Variants in CCSER1 observed in about 807,000 individuals in gnomAD.
The protein encoded by CCSER1 is coiled-coil serine rich protein 1.
CCSER1 carries 41 observed loss-of-function variants against 82.0 expected under a neutral mutation model. The observed-to-expected ratio is 0.50, with a 90% CI of 0.39 to 0.65. The LOEUF is 0.65. Ranked by LOEUF, CCSER1 falls within the 30% of genes least tolerant of loss-of-function variation. The probability of loss-of-function intolerance (pLI) is 0.00; values close to 1 mark genes in which losing one functional copy is unlikely to be tolerated. For synonymous variants in CCSER1, 414 were observed against 383.9 expected (o/e 1.08, Z -0.92); for missense variants, 1,119 against 1,064.2 (o/e 1.05, Z -0.72).
intron 10 of CCSER1, among the ~76,000 whole-genome samples, chr4:91,334,139 T>G (rs1747152726): frequency 6.6e-6 from 1 of 152,132 alleles, no homozygotes; most frequent in South Asian, 2.1e-4. Flanking sequence ...GTATTGTTAT[T>G]CCATGAGATT....
Position 90,948,017 on chromosome 4 carries a change from C to T in CCSER1, c.2172+24570C>T, listed in dbSNP as rs573447858. On this transcript the variant is annotated intron_variant, in intron 9 of 10. Transcript: ENST00000509176. Reference sequence around the variant, plus strand: ...TTTAATTCCCACATTACCCAATTTACATTTGTACTTAATTAGAAAATTGTC... The same window carrying T: ...TTTAATTCCCACATTACCCAATTTATATTTGTACTTAATTAGAAAATTGTC... Among the ~76,000 whole-genome samples the T allele has an allele frequency of 2.0e-5, 3 of 152,174 alleles. No homozygotes were observed. In the South Asian group the frequency reaches 6.2e-4, roughly 32 times the overall value.
rs1733372465 is a variant in CCSER1, at chr4:90,955,793, G to A, written c.2172+32346G>A. On this transcript the variant is annotated intron_variant, in intron 9 of 10. Coordinates refer to ENST00000509176, the MANE Select transcript of CCSER1 (RefSeq NM_001145065.2). ...TTTGTACTAGCTGTTTCCTCCCTCT[G>A]AAAGGCTTCTCCGTCTTACCACCAT... is the stretch of plus-strand genomic sequence containing the variant. Among the ~76,000 whole-genome samples, 3 of 151,990 alleles carry A rather than the reference G, an allele frequency of 2.0e-5. 1 individual carries two copies. The South Asian group carries it at 6.2e-4, about 32-fold the overall frequency.
At chr4:91,451,270 GA>G (rs1170097319) in intron 10 of CCSER1, among the ~76,000 whole-genome samples, 18 of 151,938 alleles carry the variant, frequency 1.2e-4, no homozygotes, top group African/African-American at 4.3e-4. Context: ...TTCAACATAT[GA>G]AAATTTAAGG....
chr4:90,882,011 T>C (rs1464211084), intron 8 of CCSER1, among the ~76,000 whole-genome samples: 1 of 152,036 alleles, frequency 6.6e-6, no homozygotes, highest in South Asian at 2.1e-4. Context: ...ATTAAACCCT[T>C]GGAATCTAGT....
At chr4:90,787,807 G>A (rs1206104802) in intron 7 of CCSER1, among the ~76,000 whole-genome samples, 1 of 152,142 alleles carries the variant, frequency 6.6e-6, no homozygotes, top group Non-Finnish European at 1.5e-5. Context: ...ATTTTGACTG[G>A]CATTGTCTAG....
intron 8 of CCSER1, among the ~76,000 whole-genome samples, chr4:90,921,370 G>T (rs371909920): frequency 6.6e-6 from 1 of 151,856 alleles, no homozygotes; most frequent in East Asian, 1.9e-4. Flanking sequence ...TATGGCACAC[G>T]TGCATACGTA....
intron 9 of CCSER1, among the ~76,000 whole-genome samples, chr4:91,023,887 T>C (rs1489869490): frequency 1.3e-5 from 2 of 152,190 alleles, no homozygotes; most frequent in African/African-American, 2.4e-5. Flanking sequence ...AAGTATTTTC[T>C]TAGCTATCTT....
chr4:90,867,460 G>T (rs13143215), intron 8 of CCSER1, among the ~76,000 whole-genome samples: 14,613 of 152,002 alleles, frequency 0.096, 717 homozygotes, highest in Non-Finnish European at 0.1. Flanking sequence ...TTTTGTTGCA[G>T]GCATACAATG....
At chr4:90,368,066 C>T (rs1020981923) in intron 3 of CCSER1, among the ~76,000 whole-genome samples, 2 of 151,652 alleles carry the variant, frequency 1.3e-5, no homozygotes, top group Admixed American at 6.6e-5. Flanking sequence ...CTCAAATGCC[C>T]CTCAGAAAAA....
At chr4:91,037,916 T>C (rs145558979) in intron 9 of CCSER1, among the ~76,000 whole-genome samples, 1 of 152,274 alleles carries the variant, frequency 6.6e-6, no homozygotes, top group African/African-American at 2.4e-5. Context: ...TATCTCTGGA[T>C]AGTAAAAATA....
At position 90,630,875 on chromosome 4, in the gene CCSER1, A is replaced by ATTATTT. The variant is rs1724263131; in HGVS notation, c.1932+2648_1932+2649insTTTATT. On this transcript the variant is annotated intron_variant, in intron 6 of 10. Coordinates refer to ENST00000509176, the MANE Select transcript of CCSER1 (RefSeq NM_001145065.2). ...GTTCAATCTTTGTTCACAGATTATT[A>ATTATTT]TTATTATTATTATTATTATTATTAT... Among the ~76,000 whole-genome samples, 3 of 70,320 alleles carry ATTATTT rather than the reference A, an allele frequency of 4.3e-5. No homozygotes were observed. The South Asian group carries it at 1.2e-3, about 28-fold the overall frequency. The allele number at this position is 70,320 out of a possible 152,430, so 46.1% of individuals were successfully genotyped here.
At chr4:90,205,806 G>A (rs1328363933) in intron 1 of CCSER1, among the ~76,000 whole-genome samples, 1 of 152,090 alleles carries the variant, frequency 6.6e-6, no homozygotes, top group Non-Finnish European at 1.5e-5. Flanking sequence ...GGTAGAATTC[G>A]GCTATGAATC....
At chr4:90,658,942 G>C (rs999493387) in intron 6 of CCSER1, among the ~76,000 whole-genome samples, 2 of 152,110 alleles carry the variant, frequency 1.3e-5, no homozygotes, top group Admixed American at 6.6e-5. Flanking sequence ...AGAGATCTCA[G>C]TGTATGTACT....
chr4:91,556,134 G>A lies in CCSER1; in HGVS notation c.2218-42438G>A, dbSNP rs531901315. ...ATGTTGTATTTGTAGTTATTTTAACGTAATATTTTTAGAGGAAATGAAGGT... is the reference window on the plus strand; with the variant it reads ...ATGTTGTATTTGTAGTTATTTTAACATAATATTTTTAGAGGAAATGAAGGT... On this transcript the variant is annotated intron_variant, in intron 10 of 10. Transcript: ENST00000509176. Among the ~76,000 whole-genome samples the A allele has an allele frequency of 3.3e-5, 5 of 151,362 alleles. No homozygotes were observed. In the South Asian group the frequency reaches 1.0e-3, roughly 31 times the overall value.
intron 7 of CCSER1, among the ~76,000 whole-genome samples, chr4:90,812,055 C>T (rs546044432): frequency 1.3e-3 from 193 of 150,552 alleles, no homozygotes; most frequent in African/African-American, 4.7e-3. Context: ...CACAATAGGC[C>T]ATCTGCAGGC....
intron 4 of CCSER1, among the ~76,000 whole-genome samples, chr4:90,421,016 A>C (rs1756605272): frequency 6.6e-6 from 1 of 152,180 alleles, no homozygotes; most frequent in African/African-American, 2.4e-5. Flanking sequence ...CAAGTAATTA[A>C]GAAAGCAAAC....
chr4:90,726,248 A>G (rs1743621166), intron 7 of CCSER1, among the ~76,000 whole-genome samples: 1 of 151,982 alleles, frequency 6.6e-6, no homozygotes, highest in Admixed American at 6.6e-5. Context: ...TTTTTTAAGC[A>G]TTACCTTTAG....
rs958212394 is a variant in CCSER1, at chr4:91,551,647, C to CA, written c.2218-46919dup. On this transcript the variant is annotated intron_variant, in intron 10 of 10. Coordinates refer to ENST00000509176, the MANE Select transcript of CCSER1 (RefSeq NM_001145065.2). The stretch of plus-strand genomic sequence containing the variant: ...CTTGAGTAGTTCCTGAAGCAGCAGG[C>CA]AAAAAACAAACACACACACACACAC... 3.6e-4 allele frequency among the ~76,000 whole-genome samples: 44 copies of CA among 122,476 alleles called. No homozygotes were observed. In the East Asian group the frequency reaches 0.011, roughly 30 times the overall value. 80.3% of individuals were successfully genotyped at this position (122,476 alleles called of 152,430 possible).
At chr4:90,275,938 A>T (rs976326346) in intron 1 of CCSER1, among the ~76,000 whole-genome samples, 2 of 152,198 alleles carry the variant, frequency 1.3e-5, no homozygotes, top group African/African-American at 4.8e-5. Context: ...TAAATTTTAT[A>T]TACTGAAATG....
Sources: gnomAD v4.1 joint callset for allele counts (sites outside exome capture counted in the v4.1 genomes callset) on GRCh38, gnomAD v4.1.1 for gene constraint, MANE v1.5 for transcripts, NCBI Gene and HGNC (gene_info 2026-07-23, HGNC 2026-07-21) for gene names.